The following TOX variants were observed in gnomAD, a reference collection of about 807,000 sequenced individuals.
TOX encodes thymocyte selection-associated high mobility group box protein TOX.
In TOX, 11 loss-of-function variants were observed where a neutral mutation model predicts 53.7. The ratio of observed to expected loss-of-function variants is 0.20; its 90% CI spans 0.13 to 0.34. TOX has a LOEUF of 0.34. Ranked by LOEUF, TOX falls within the 10% of genes least tolerant of loss-of-function variation. The pLI is 1.00. For missense variants in TOX, 570 were observed against 664.6 expected, an observed-to-expected ratio of 0.86 and a Z score of 1.56; for synonymous variants, 225 against 245.3, an observed-to-expected ratio of 0.92 and a Z score of 0.77.
At chr8:58,959,466 C>T (rs1041115207) in intron 2 of TOX, among the ~76,000 whole-genome samples, 7 of 152,154 alleles carry the variant, frequency 4.6e-5, no homozygotes, top group Admixed American at 1.3e-4. Context: ...CCCCAGCCCC[C>T]ACTCCTTACC....
chr8:58,866,079 C>A (rs568521497), intron 3 of TOX, among the ~76,000 whole-genome samples: 1 of 152,282 alleles, frequency 6.6e-6, no homozygotes, highest in Non-Finnish European at 1.5e-5. Context: ...AGGTGATCCA[C>A]CCGCCTCAGC....
intron 5 of TOX, among the ~76,000 whole-genome samples, chr8:58,828,085 A>T (rs1390207903): frequency 2.0e-5 from 3 of 152,234 alleles, no homozygotes; most frequent in Admixed American, 6.5e-5. Context: ...GTAGTTAAAT[A>T]TAAATTATGT....
At chr8:58,848,701 A>T (rs950337532) in intron 4 of TOX, among the ~76,000 whole-genome samples, 1 of 152,130 alleles carries the variant, frequency 6.6e-6, no homozygotes, top group East Asian at 1.9e-4. Flanking sequence ...ACTGTGTCTC[A>T]TTATGACTTA....
At chr8:58,992,692 G>A (rs2129417500) in intron 1 of TOX, 1 of 152,274 alleles carries the variant, frequency 6.6e-6, no homozygotes, top group South Asian at 2.1e-4. Context: ...TTCTGCTAAG[G>A]AAAAATTGCA....
intron 3 of TOX, among the ~76,000 whole-genome samples, chr8:58,923,800 C>T (rs1472151171): frequency 6.6e-6 from 1 of 152,182 alleles, no homozygotes; most frequent in Non-Finnish European, 1.5e-5. Context: ...CCGGGTCCCT[C>T]AAGACAGTCC....
chr8:58,952,512 C>T (rs1010332461), intron 2 of TOX, among the ~76,000 whole-genome samples: 1 of 152,132 alleles, frequency 6.6e-6, no homozygotes, highest in Non-Finnish European at 1.5e-5. Flanking sequence ...TAATTGTAAA[C>T]AAGCCAAATG....
At chr8:59,070,457 C>T (rs1182148220) in intron 1 of TOX, among the ~76,000 whole-genome samples, 1 of 150,864 alleles carries the variant, frequency 6.6e-6, no homozygotes, top group African/African-American at 2.4e-5. Context: ...GAACTTTGTT[C>T]AGATTCCATA....
intron 3 of TOX, among the ~76,000 whole-genome samples, chr8:58,914,994 C>T (rs11988214): frequency 0.81 from 121,355 of 150,334 alleles, 49,448 homozygotes; most frequent in East Asian, 0.9. Flanking sequence ...CTTTTCAGAC[C>T]GGCTTAAAAA....
chr8:58,983,554 TCTACGA>T (rs1813241780), intron 1 of TOX, among the ~76,000 whole-genome samples: 1 of 152,226 alleles, frequency 6.6e-6, no homozygotes, highest in Non-Finnish European at 1.5e-5. Context: ...CTTATACACA[TCTACGA>T]TGGTTGTTAA....
In TOX at chr8:58,879,723, C is replaced by G. The variant is rs1321699878; in HGVS notation, c.412-27918G>C. On this transcript the variant is annotated intron_variant, in intron 3 of 8. Coordinates refer to ENST00000361421, the MANE Select transcript of TOX (RefSeq NM_014729.3). ...AACAAAGCATTCCTTAAAAACAAAT[C>G]TAAATGAAACAAAACCAAACCCTGG... 5.9e-5 allele frequency among the ~76,000 whole-genome samples: 9 copies of G among 152,082 alleles called. No homozygotes were observed. The East Asian group carries it at 1.7e-3, about 29-fold the overall frequency.
chr8:59,094,196 C>T (rs1230510847), intron 1 of TOX, among the ~76,000 whole-genome samples: 1 of 151,952 alleles, frequency 6.6e-6, no homozygotes, highest in Non-Finnish European at 1.5e-5. Flanking sequence ...TGGAAAGATA[C>T]ACACTAAACT....
At chr8:59,053,077 T>G (rs1174988857) in intron 1 of TOX, among the ~76,000 whole-genome samples, 1 of 152,196 alleles carries the variant, frequency 6.6e-6, no homozygotes. Flanking sequence ...TGACATTTCT[T>G]GGATGAAAAG....
chr8:59,016,258 G>C (rs1306161147), intron 1 of TOX, among the ~76,000 whole-genome samples: 1 of 151,830 alleles, frequency 6.6e-6, no homozygotes, highest in East Asian at 1.9e-4. Context: ...AATAAAAACA[G>C]GTATTTTTTA....
At chr8:59,024,044 G>GA (rs796240123) in intron 1 of TOX, among the ~76,000 whole-genome samples, 2 of 152,114 alleles carry the variant, frequency 1.3e-5, no homozygotes, top group African/African-American at 4.8e-5. Flanking sequence ...ATAAAGAAAA[G>GA]AAAAAGAAAT....
At chr8:59,086,314 G>C (rs533633486) in intron 1 of TOX, among the ~76,000 whole-genome samples, 2 of 152,102 alleles carry the variant, frequency 1.3e-5, no homozygotes, top group South Asian at 4.2e-4. Flanking sequence ...AACCTTATTT[G>C]ACTCTTGGGG....
chr8:58,843,026 T>C (rs1810670370), intron 4 of TOX, among the ~76,000 whole-genome samples: 1 of 152,228 alleles, frequency 6.6e-6, no homozygotes, highest in South Asian at 2.1e-4. Context: ...GGGCTTCCAT[T>C]GTATATCTGA....
intron 1 of TOX, among the ~76,000 whole-genome samples, chr8:59,073,568 T>A (rs1212164377): frequency 6.6e-6 from 1 of 152,126 alleles, no homozygotes; most frequent in Non-Finnish European, 1.5e-5. Context: ...TTAATCTTGT[T>A]TTTTTGTTTT....
At chr8:59,086,945 A>G (rs954168192) in intron 1 of TOX, among the ~76,000 whole-genome samples, 5 of 152,192 alleles carry the variant, frequency 3.3e-5, no homozygotes, top group South Asian at 4.1e-4. Context: ...GGATGAAGTT[A>G]GTAAAAGGTT....
chr8:59,054,042 A>G (rs890276152), intron 1 of TOX, among the ~76,000 whole-genome samples: 35 of 152,170 alleles, frequency 2.3e-4, no homozygotes, highest in African/African-American at 8.2e-4. Context: ...TGGTTAGTTT[A>G]ACCACTTAAA....
Sources: allele counts gnomAD v4.1 joint callset (sites outside exome capture counted in the v4.1 genomes callset), GRCh38; gene constraint gnomAD v4.1.1; transcripts MANE v1.5; gene names NCBI Gene and HGNC (gene_info 2026-07-23, HGNC 2026-07-21).